WWP1: variants seen among roughly 807,000 people sequenced by gnomAD.
The protein encoded by WWP1 is WW domain containing E3 ubiquitin protein ligase 1, also known as NEDD4-like E3 ubiquitin-protein ligase WWP1.
WWP1 carries 49 observed loss-of-function variants against 130.6 expected under a neutral mutation model. The observed-to-expected ratio is 0.38, with a 90% CI of 0.30 to 0.48. The LOEUF (loss-of-function observed/expected upper bound fraction) is 0.48, where lower values mean the gene tolerates loss of function less well. WWP1 is among the 20% of genes least tolerant of loss of function. The probability of loss-of-function intolerance (pLI) is 0.99; values close to 1 mark genes in which losing one functional copy is unlikely to be tolerated. For synonymous variants in WWP1, 332 were observed against 367.8 expected, an observed-to-expected ratio of 0.90 and a Z score of 1.11; for missense variants, 809 against 1,100.6, an observed-to-expected ratio of 0.74 and a Z score of 3.75.
At chr8:86,446,213 C>T (rs1361478023) in intron 18 of WWP1, among the ~76,000 whole-genome samples, 8 of 149,988 alleles carry the variant, frequency 5.3e-5, no homozygotes, top group African/African-American at 2.0e-4. Context: ...AACTCCTAAC[C>T]TCAGGTGATC....
chr8:86,399,327 C>G (rs1403623975), intron 7 of WWP1, among the ~76,000 whole-genome samples: 1 of 152,156 alleles, frequency 6.6e-6, no homozygotes, highest in Non-Finnish European at 1.5e-5. Flanking sequence ...AGACATCATT[C>G]TACCATTTCA....
intron 2 of WWP1, among the ~76,000 whole-genome samples, chr8:86,370,207 A>G (rs1384909797): frequency 1.3e-5 from 2 of 152,246 alleles, no homozygotes; most frequent in African/African-American, 4.8e-5. Context: ...GTATTTTATT[A>G]TAGAAGAAAA....
Position 86,381,615 on chromosome 8 carries a change from T to C in WWP1, c.320T>C (p.Ile107Thr). Residue 107 changes from isoleucine (I) to threonine (T), a missense_variant, in exon 5 of 25, where the codon ATA becomes ACA. Physicochemically the swap from Ile to Thr is moderately conservative, Grantham distance 89 (BLOSUM62 -1). Coordinates refer to ENST00000517970, the MANE Select transcript of WWP1 (RefSeq NM_007013.4). ...ATIDLKQALL[I>T]HNRKLERVKE... ...ATAGATTTGAAACAAGCTCTGTTGA[T>C]ACACAATAGAAAATGTAAGTTTTTT... The C allele has an allele frequency of 6.3e-7, 1 of 1,589,370 alleles. No homozygotes were observed. The highest frequency in any genetic ancestry group is 8.5e-7 in the Non-Finnish European group (1 of 1,173,416).
chr8:86,435,814 T>G (rs1027454341), intron 16 of WWP1, 110 bp downstream of exon 16: 1 of 973,486 alleles, frequency 1.0e-6, no homozygotes, highest in Non-Finnish European at 1.5e-6. Flanking sequence ...ACAGCTATAA[T>G]AATAATGACT....
intron 9 of WWP1, among the ~76,000 whole-genome samples, chr8:86,424,864 GGGGA>G (rs1409602289): frequency 2.9e-5 from 3 of 105,166 alleles, no homozygotes; most frequent in Non-Finnish European, 4.0e-5. Context: ...GGGAGGGGGA[GGGGA>G]GGGGAGAGGG....
chr8:86,421,513 T>G (rs1230358375), intron 9 of WWP1, among the ~76,000 whole-genome samples: 1 of 152,006 alleles, frequency 6.6e-6, no homozygotes, highest in Non-Finnish European at 1.5e-5. Context: ...TTGGGGGGGT[T>G]CTCCCAGATT....
Position 86,374,026 on chromosome 8 carries a change from A to T in WWP1, c.-21-4A>T. On this transcript the variant is annotated splice_region_variant and splice_polypyrimidine_tract_variant and intron_variant, in intron 2 of 24. Coordinates refer to ENST00000517970, the MANE Select transcript of WWP1 (RefSeq NM_007013.4). ...CATGAATAAATTCCCCTTTTTTAAA[A>T]TAGGTTTTAGCTGAATTTTGGGACA... is the stretch of plus-strand genomic sequence containing the variant. 2 of 1,586,210 alleles carry T rather than the reference A, an allele frequency of 1.3e-6. No individual in the cohort carries two copies. Among genetic ancestry groups the T allele is most frequent in the Middle Eastern group, 1.7e-4 (1 of 5,922 alleles).
chr8:86,445,723 G>A lies in WWP1; in HGVS notation c.1999-2425G>A, dbSNP rs373146443. ...GGTGGTTCAACTCTTAGTTCATTGA[G>A]AAATTTCCAACCTGCTTTTCAAAGT... On this transcript the variant is annotated intron_variant, in intron 18 of 24. Transcript: ENST00000517970. 5.7e-4 allele frequency among the ~76,000 whole-genome samples: 86 copies of A among 152,194 alleles called. No homozygotes were observed. In the East Asian group the frequency reaches 0.01, roughly 18 times the overall value.
chr8:86,459,331 C>T (rs1183081183), intron 22 of WWP1, among the ~76,000 whole-genome samples: 12 of 152,040 alleles, frequency 7.9e-5, no homozygotes, highest in Non-Finnish European at 1.0e-4. Context: ...CCACCATGCC[C>T]GGCTTTTCTT....
Position 86,448,428 on chromosome 8 carries a change from AT to A in WWP1, c.2192del (p.Leu731TrpfsTer9), listed in dbSNP as rs767916965. 1 of 1,613,664 alleles carries A rather than the reference AT, an allele frequency of 6.2e-7. No individual in the cohort carries two copies. Among genetic ancestry groups the A allele is most frequent in the Non-Finnish European group, 8.5e-7 (1 of 1,179,884 alleles). ...AATGTACTTTTCTGTTGACATGGAGATTTTGGGAAAAGTTACTTCACATGAC... is the reference window on the plus strand; with the variant it reads ...AATGTACTTTTCTGTTGACATGGAGATTTGGGAAAAGTTACTTCACATGAC... ...LEMYFSVDME[I>X]LGKVTSHDLK... On this transcript the variant is annotated frameshift_variant, in exon 20 of 25. Coordinates refer to ENST00000517970, the MANE Select transcript of WWP1 (RefSeq NM_007013.4). LOFTEE classifies it high-confidence loss of function.
intron 22 of WWP1, among the ~76,000 whole-genome samples, chr8:86,459,788 T>C (rs955465740): frequency 2.0e-5 from 3 of 152,236 alleles, no homozygotes; most frequent in African/African-American, 7.2e-5. Context: ...TACACATTTG[T>C]ACCTACATAG....
At chr8:86,356,395 C>T (rs900015690) in intron 1 of WWP1, among the ~76,000 whole-genome samples, 10 of 151,516 alleles carry the variant, frequency 6.6e-5, no homozygotes, top group African/African-American at 2.4e-4. Context: ...CTGATGTTCA[C>T]TAGGGTAAGG....
intron 21 of WWP1, among the ~76,000 whole-genome samples, chr8:86,453,809 A>G (rs1811302642): frequency 6.6e-6 from 1 of 152,070 alleles, no homozygotes; most frequent in African/African-American, 2.4e-5. Flanking sequence ...CCTAATGATT[A>G]GTTATCAAGA....
chr8:86,372,359 C>T (rs1023387390), intron 2 of WWP1, among the ~76,000 whole-genome samples: 22 of 152,094 alleles, frequency 1.4e-4, no homozygotes, highest in African/African-American at 4.1e-4. Flanking sequence ...AGGTTTTCGC[C>T]GTGTTGGCCA....
At chr8:86,381,738 C>A in intron 5 of WWP1, 109 bp downstream of exon 5, 1 of 1,104,742 alleles carries the variant, frequency 9.1e-7, no homozygotes, top group Non-Finnish European at 1.2e-6. Context: ...TAAAGAACTT[C>A]AGTTATTGCT....
At chr8:86,359,877 G>A (rs1182557149) in intron 1 of WWP1, among the ~76,000 whole-genome samples, 5 of 151,874 alleles carry the variant, frequency 3.3e-5, no homozygotes, top group Admixed American at 6.6e-5. Context: ...GTGAAACCCC[G>A]TCTCTACTAA....
chr8:86,413,704 T>C (rs1808714023), intron 9 of WWP1, among the ~76,000 whole-genome samples: 1 of 152,124 alleles, frequency 6.6e-6, no homozygotes, highest in African/African-American at 2.4e-5. Context: ...TTGTTATAGT[T>C]TGAGTTCAGC....
rs34231831 is a variant in WWP1 at position 86,362,163 on chromosome 8, CATATATATATATATATATATATATATAT to C, written c.-114-6764_-114-6737del. 5.8e-3 allele frequency among the ~76,000 whole-genome samples: 343 copies of C among 59,018 alleles called. 11 individuals carry two copies. The highest frequency in any genetic ancestry group is 0.057 in the Admixed American group (286 of 4,992). 38.7% of individuals were successfully genotyped at this position (59,018 alleles called of 152,430 possible). A position where few individuals can be genotyped will look rare whatever the true frequency, so the allele number is the denominator to read the frequency against. On this transcript the variant is annotated intron_variant, in intron 1 of 24. Transcript: ENST00000517970. Reference sequence around the variant, plus strand: ...ATACTAGGCATATATATATACAAGGCATATATATATATATATATATATATATATATATATATATACTGGAAAACTTCAT... The same window carrying C: ...ATACTAGGCATATATATATACAAGGCATATATATATACTGGAAAACTTCAT...
chr8:86,461,088 T>C (rs6471351), intron 22 of WWP1, 136 bp from the exon 23 acceptor site: 411,568 of 697,488 alleles, frequency 0.59, 123,739 homozygotes, highest in African/African-American at 0.78. Flanking sequence ...GGATTACAGG[T>C]GTGAGCCACC....
Sources: gnomAD v4.1 joint callset for allele counts (sites outside exome capture counted in the v4.1 genomes callset) on GRCh38, gnomAD v4.1.1 for gene constraint, MANE v1.5 for transcripts, NCBI Gene and HGNC (gene_info 2026-07-23, HGNC 2026-07-21) for gene names.